The following BCAS3 variants were observed in gnomAD, a reference collection of about 807,000 sequenced individuals.
BCAS3 encodes BCAS4/BCAS3 fusion.
A neutral mutation model predicts 116.1 loss-of-function variants in BCAS3; 53 were observed. That is an observed-to-expected ratio of 0.46 (90% CI 0.37 to 0.57). The LOEUF (loss-of-function observed/expected upper bound fraction) is 0.57, where lower values mean the gene tolerates loss of function less well. Among genes scored for constraint, BCAS3 ranks in the 20% least tolerant of loss-of-function variants. The pLI, the probability that BCAS3 is intolerant of heterozygous loss-of-function variation, is 0.00. For synonymous variants in BCAS3, 391 were observed against 408.2 expected (o/e 0.96, Z 0.51); for missense variants, 917 against 1,165.4 (o/e 0.79, Z 3.10).
rs2050285067 is a variant in BCAS3, at chr17:61,271,632, T to TGA, written c.2426-96694_2426-96693insAG. Among the ~76,000 whole-genome samples the TGA allele has an allele frequency of 3.5e-5, 5 of 141,028 alleles. No individual in the cohort carries two copies. In the South Asian group the frequency reaches 1.2e-3, roughly 33 times the overall value. 92.5% of individuals were successfully genotyped at this position (141,028 alleles called of 152,430 possible). A position where few individuals can be genotyped will look rare whatever the true frequency, so the allele number is the denominator to read the frequency against. ...GTGTGTGTGTGTGTGTGTGTGTGTG[T>TGA]GTTTAGTAGAGACGGGGTTTCACCA... On this transcript the variant is annotated intron_variant, in intron 22 of 23. Transcript: ENST00000407086.
At chr17:61,304,953 C>A (rs770450052) in intron 22 of BCAS3, among the ~76,000 whole-genome samples, 1 of 152,104 alleles carries the variant, frequency 6.6e-6, no homozygotes, top group Non-Finnish European at 1.5e-5. Flanking sequence ...GATGGAGTTT[C>A]ACCATGTTGG....
intron 22 of BCAS3, among the ~76,000 whole-genome samples, chr17:61,310,413 G>T (rs2054201693): frequency 1.3e-5 from 2 of 152,094 alleles, no homozygotes; most frequent in African/African-American, 4.8e-5. Context: ...AATTAGCCAG[G>T]TGTGGTAGTG....
intron 4 of BCAS3, among the ~76,000 whole-genome samples, chr17:60,699,602 G>A (rs1332801480): frequency 6.6e-6 from 1 of 152,062 alleles, no homozygotes; most frequent in African/African-American, 2.4e-5. Flanking sequence ...TGCTGGATAT[G>A]GAATCATGTA....
intron 6 of BCAS3, among the ~76,000 whole-genome samples, chr17:60,752,405 G>T (rs2042558777): frequency 6.9e-6 from 1 of 144,722 alleles, no homozygotes; most frequent in Non-Finnish European, 1.5e-5. Flanking sequence ...ATGGGGAATT[G>T]CTCACATGTG....
intron 10 of BCAS3, among the ~76,000 whole-genome samples, chr17:60,902,303 G>A (rs555181458): frequency 5.9e-5 from 9 of 152,146 alleles, no homozygotes; most frequent in Admixed American, 2.0e-4. Flanking sequence ...CTTTGATTAC[G>A]TTTTTAAAAT....
chr17:61,365,263 C>G lies in BCAS3; in HGVS notation c.2426-3064C>G, dbSNP rs1447381789. 6.6e-6 allele frequency among the ~76,000 whole-genome samples: 1 copy of G among 152,178 alleles called. No individual in the cohort carries two copies. The highest frequency in any genetic ancestry group is 1.5e-5 in the Non-Finnish European group (1 of 68,030). Reference sequence around the variant, plus strand: ...TTAAAATATTACATATTCCTCTGGCCTTTACCATCTCTTATGGACTGGGCC... The same window carrying G: ...TTAAAATATTACATATTCCTCTGGCGTTTACCATCTCTTATGGACTGGGCC... On this transcript the variant is annotated intron_variant, in intron 22 of 23. Coordinates refer to ENST00000407086, the MANE Select transcript of BCAS3 (RefSeq NM_017679.5). The surrounding 1 kb of genome is among the most constrained non-coding windows in gnomAD (Gnocchi z 4.6).
chr17:60,803,758 A>AT (rs887207866), intron 6 of BCAS3, among the ~76,000 whole-genome samples: 2 of 132,768 alleles, frequency 1.5e-5, no homozygotes, highest in Non-Finnish European at 3.3e-5. Context: ...TCTATCCTTC[A>AT]TTTTTTTTCA....
intron 14 of BCAS3, among the ~76,000 whole-genome samples, chr17:60,952,341 A>T (rs1470859390): frequency 1.3e-5 from 2 of 150,050 alleles, no homozygotes; most frequent in South Asian, 4.2e-4. Context: ...TTCTTTTGAG[A>T]CAGAGTCTTG....
At chr17:61,044,465 A>AAAAAAAAAAAAAAAAATATAT in intron 19 of BCAS3, among the ~76,000 whole-genome samples, 4 of 120,120 alleles carry the variant, frequency 3.3e-5, no homozygotes, top group African/African-American at 2.0e-4. Context: ...AAAAAAAAAA[A>AAAAAAAAAAAAAAAAATATAT]ATATATATAT....
intron 19 of BCAS3, among the ~76,000 whole-genome samples, chr17:61,048,538 T>C (rs2068554739): frequency 6.6e-6 from 1 of 152,022 alleles, no homozygotes. Context: ...AATTACCATG[T>C]GCTTTTATTG....
chr17:60,891,355 A>G (rs986009375), intron 10 of BCAS3, among the ~76,000 whole-genome samples: 12 of 152,212 alleles, frequency 7.9e-5, no homozygotes, highest in Non-Finnish European at 1.5e-4. Flanking sequence ...TAGCCTGAAT[A>G]TGCACCAGTT....
rs572444414 is a variant in BCAS3 at position 61,088,703 on chromosome 17, AC to A, written c.2425+4143del. The stretch of plus-strand genomic sequence containing the variant: ...CAAAGAGCCTAGAAAGATCTGGTTC[AC>A]CCCTGAGTTTGTTTGTCCTGATTTG... On this transcript the variant is annotated intron_variant, in intron 22 of 23. Transcript: ENST00000407086. This position sits in a 1 kb window ranked among gnomAD's most constrained non-coding sequence, Gnocchi z 4.2. 1.6e-4 allele frequency among the ~76,000 whole-genome samples: 24 copies of A among 152,324 alleles called. No homozygotes were observed. In the South Asian group the frequency reaches 5.0e-3, roughly 32 times the overall value.
At chr17:61,319,785 A>G (rs530822460) in intron 22 of BCAS3, among the ~76,000 whole-genome samples, 63 of 152,154 alleles carry the variant, frequency 4.1e-4, no homozygotes, top group African/African-American at 1.5e-3. Flanking sequence ...AAGAAGTAGT[A>G]TGTGTCTTTG....
rs577478111 is a variant in BCAS3 at position 60,691,747 on chromosome 17, C to T, written c.214+1986C>T. On this transcript the variant is annotated intron_variant, in intron 4 of 23. Transcript: ENST00000407086. The stretch of plus-strand genomic sequence containing the variant: ...TTTTTTTTTTTAGAGCCACCATCCA[C>T]GATGAGAAAGTCTGAGTGTCGCTTT... Among the ~76,000 whole-genome samples, 9 of 150,424 alleles carry T rather than the reference C, an allele frequency of 6.0e-5. No homozygotes were observed. In the East Asian group the frequency reaches 1.7e-3, roughly 29 times the overall value.
intron 7 of BCAS3, among the ~76,000 whole-genome samples, chr17:60,831,480 T>G (rs2050925003): frequency 6.6e-6 from 1 of 152,210 alleles, no homozygotes; most frequent in South Asian, 2.1e-4. Flanking sequence ...CCGACCTATG[T>G]TATGTCTTCC....
intron 12 of BCAS3, among the ~76,000 whole-genome samples, chr17:60,921,612 C>CAAAAAAAAAAAAA: frequency 3.0e-5 from 1 of 33,324 alleles, no homozygotes; most frequent in Non-Finnish European, 8.1e-5. Context: ...GACTCCGTCT[C>CAAAAAAAAAAAAA]AAAAAAAAAA....
Position 61,038,057 on chromosome 17 carries a change from A to G in BCAS3, c.1928+3A>G. 1.2e-6 allele frequency: 2 copies of G among 1,607,790 alleles called. No individual in the cohort carries two copies. The highest frequency in any genetic ancestry group is 8.5e-7 in the Non-Finnish European group (1 of 1,177,996). ...CGAGCCAGCTGGACTCTGGTTAGGTAGTACCTCTTTTCTTTTTTTCTTTTT... is the reference window on the plus strand; with the variant it reads ...CGAGCCAGCTGGACTCTGGTTAGGTGGTACCTCTTTTCTTTTTTTCTTTTT... On this transcript the variant is annotated splice_donor_region_variant and intron_variant, in intron 18 of 23. Transcript: ENST00000407086.
intron 22 of BCAS3, among the ~76,000 whole-genome samples, chr17:61,351,919 C>A (rs192809815): frequency 6.6e-6 from 1 of 152,216 alleles, no homozygotes; most frequent in African/African-American, 2.4e-5. Context: ...ACATACAGCT[C>A]GTCTCTAGGC....
At chr17:60,706,092 C>T (rs1162341117) in intron 4 of BCAS3, among the ~76,000 whole-genome samples, 2 of 151,810 alleles carry the variant, frequency 1.3e-5, no homozygotes, top group Non-Finnish European at 1.5e-5. Flanking sequence ...GATGGAGTTT[C>T]GCTGTTGTTG....
Sources: gnomAD v4.1 joint callset for allele counts (sites outside exome capture counted in the v4.1 genomes callset) on GRCh38, gnomAD v4.1.1 for gene constraint, Gnocchi (gnomAD v3.1) non-coding constraint, MANE v1.5 for transcripts, NCBI Gene and HGNC (gene_info 2026-07-23, HGNC 2026-07-21) for gene names.